The following PLXND1 variants were observed in gnomAD, a reference collection of about 807,000 sequenced individuals.
The protein encoded by PLXND1 is plexin D1.
In PLXND1, 54 loss-of-function variants were observed where a neutral mutation model predicts 197.7. The ratio of observed to expected loss-of-function variants is 0.27; its 90% CI spans 0.22 to 0.34. The LOEUF (loss-of-function observed/expected upper bound fraction) is 0.34. Among genes scored for constraint, PLXND1 ranks in the 10% least tolerant of loss-of-function variants. The pLI, the probability that PLXND1 is intolerant of heterozygous loss-of-function variation, is 1.00. For synonymous variants in PLXND1, 1,180 were observed against 1,161.2 expected (o/e 1.02, Z -0.33); for missense variants, 2,127 against 2,699.2 (o/e 0.79, Z 4.70).
At chr3:129,566,333 G>A (rs1450931571) in intron 23 of PLXND1, among the ~76,000 whole-genome samples, 194 bp downstream of exon 23, 1 of 151,588 alleles carries the variant, frequency 6.6e-6, no homozygotes, top group Non-Finnish European at 1.5e-5. Context: ...CTGGCCTGCG[G>A]GGGCAGCACT....
Position 129,558,294 on chromosome 3 carries a change from A to T in PLXND1, c.5445+134T>A. The T allele has an allele frequency of 1.2e-6, 1 of 808,710 alleles. No individual in the cohort carries two copies. The highest frequency in any genetic ancestry group is 2.0e-6 in the Non-Finnish European group (1 of 505,004). The allele number at this position is 808,710 out of a possible 1,614,324, so 50.1% of individuals were successfully genotyped here. Reference sequence around the variant, plus strand: ...ATGAGTCACTCATCCCACATCCCCTAGACCTGAGATCTTTTGGTTCCCCTC... The same window carrying T: ...ATGAGTCACTCATCCCACATCCCCTTGACCTGAGATCTTTTGGTTCCCCTC... On this transcript the variant is annotated intron_variant, in intron 33 of 35. Coordinates refer to ENST00000324093, the MANE Select transcript of PLXND1 (RefSeq NM_015103.3). This position sits in a 1 kb window ranked among gnomAD's most constrained non-coding sequence, Gnocchi z 4.1.
At chr3:129,564,504 A>G (rs991257403) in intron 25 of PLXND1, among the ~76,000 whole-genome samples, 48 of 152,222 alleles carry the variant, frequency 3.2e-4, no homozygotes, top group African/African-American at 1.2e-3. Context: ...AACAAAAAAC[A>G]GAACATCCGA....
At chr3:129,566,468 C>A (rs1227295839) in intron 23 of PLXND1, 59 bp downstream of exon 23, 1 of 1,020,874 alleles carries the variant, frequency 9.8e-7, no homozygotes, top group Non-Finnish European at 1.6e-6. Context: ...AAAGGGGACC[C>A]AGGGGGGAGC....
chr3:129,597,212 T>G (rs537964428), intron 1 of PLXND1, among the ~76,000 whole-genome samples: 53 of 152,136 alleles, frequency 3.5e-4, no homozygotes, highest in Non-Finnish European at 6.3e-4. Context: ...AGCGCAGGCC[T>G]GCGGGCTCCA....
chr3:129,578,332 G>C lies in PLXND1; in HGVS notation c.2343C>G (p.Phe781Leu), dbSNP rs764472065. ...CGCTGGCCTGGCTTCTACTTACCTGGAAAAAGGCAGTGTTGGCCAGAGGCA... is the reference window on the plus strand; with the variant it reads ...CGCTGGCCTGGCTTCTACTTACCTGCAAAAAGGCAGTGTTGGCCAGAGGCA... ...ILVPLANTAF[F>L]QGAALECSFG... is the part of the protein sequence containing the mutation. Residue 781 changes from phenylalanine (F) to leucine (L), a missense_variant, in exon 9 of 36, where the codon TTC (phenylalanine) becomes TTG (leucine). Phe to Leu is a conservative substitution (Grantham distance 22). Transcript: ENST00000324093. 4.4e-5 allele frequency: 70 copies of C among 1,596,354 alleles called. No individual in the cohort carries two copies. Among genetic ancestry groups the C allele is most frequent in the Non-Finnish European group, 5.7e-5 (67 of 1,170,896 alleles).
rs971367484 is a variant in PLXND1 at position 129,563,393 on chromosome 3, C to T, written c.4522-153G>A. Among the ~76,000 whole-genome samples, 7 of 152,186 alleles carry T rather than the reference C, an allele frequency of 4.6e-5. No homozygotes were observed. The South Asian group carries it at 1.0e-3, about 23-fold the overall frequency. ...CACTCTCCTCTCCAGGGTGTCTCCA[C>T]GGACCCTAAGCTCGTGTTCATTAAA... On this transcript the variant is annotated intron_variant, in intron 25 of 35. Transcript: ENST00000324093.
chr3:129,565,202 G>C (rs1458563949), intron 25 of PLXND1, 138 bp downstream of exon 25: 2 of 707,634 alleles, frequency 2.8e-6, no homozygotes, highest in African/African-American at 3.5e-5. Flanking sequence ...TACGGGCCTG[G>C]CCTGTCTCAT....
chr3:129,586,233 TG>T lies in PLXND1; in HGVS notation c.1659del (p.Thr554ProfsTer50). 6.3e-7 allele frequency: 1 copy of T among 1,598,046 alleles called. No homozygotes were observed. ...GCCGCACCCACGCAGTCCCCACAGG[TG>T]GAGTGCACGTTGCAGGCGGCGACCT... is the stretch of plus-strand genomic sequence containing the variant. ...RVKVAACNVH[S>X]TCGDCVGAAD... On this transcript the variant is annotated frameshift_variant, in exon 4 of 36. Coordinates refer to ENST00000324093, the MANE Select transcript of PLXND1 (RefSeq NM_015103.3). LOFTEE classifies it high-confidence loss of function.
At chr3:129,560,870 CAG>C in intron 29 of PLXND1, 147 bp from the exon 30 acceptor site, 6 of 697,424 alleles carry the variant, frequency 8.6e-6, no homozygotes, top group Non-Finnish European at 1.6e-5. Flanking sequence ...GAGAGAGAAA[CAG>C]AAACGGAGAC....
At chr3:129,596,562 G>A (rs2085627216) in intron 1 of PLXND1, among the ~76,000 whole-genome samples, 2 of 152,176 alleles carry the variant, frequency 1.3e-5, no homozygotes, top group African/African-American at 4.8e-5. Context: ...CCCAGCAGGA[G>A]GGGCAGAGCA....
chr3:129,567,289 C>T (rs533786632), intron 22 of PLXND1, among the ~76,000 whole-genome samples: 10 of 152,320 alleles, frequency 6.6e-5, no homozygotes, highest in Admixed American at 2.0e-4. Flanking sequence ...TGTTAAACAT[C>T]AAGTGAGCAG....
At chr3:129,566,131 C>T (rs2085136783) in intron 23 of PLXND1, 114 bp from the exon 24 acceptor site, 1 of 1,077,924 alleles carries the variant, frequency 9.3e-7, no homozygotes, top group East Asian at 2.4e-5. Context: ...GAGCTCATTA[C>T]CTTCCACGGT....
chr3:129,579,553 C>T (rs1472320385), intron 8 of PLXND1, among the ~76,000 whole-genome samples: 1 of 152,170 alleles, frequency 6.6e-6, no homozygotes, highest in Non-Finnish European at 1.5e-5. Flanking sequence ...TTTGGTGGCC[C>T]CAGTGAGCCA....
chr3:129,570,712 T>C lies in PLXND1; in HGVS notation c.3750+74A>G, dbSNP rs901431079. On this transcript the variant is annotated intron_variant, in intron 19 of 35. Transcript: ENST00000324093. ...ACGCTCAGTGAATTCAGGTGCTGGGTGAGGGGCAGATGCTTGGCAGATGGG... is the reference window on the plus strand; with the variant it reads ...ACGCTCAGTGAATTCAGGTGCTGGGCGAGGGGCAGATGCTTGGCAGATGGG... The C allele has an allele frequency of 2.8e-6, 4 of 1,437,694 alleles. No individual in the cohort carries two copies. In the African/African-American group the frequency reaches 5.6e-5, roughly 20 times the overall value. The allele number at this position is 1,437,694 out of a possible 1,614,324, so 89.1% of individuals were successfully genotyped here.
At chr3:129,569,166 T>G (rs959785247) in intron 20 of PLXND1, 1 of 152,398 alleles carries the variant, frequency 6.6e-6, no homozygotes, top group African/African-American at 2.4e-5. Context: ...TTCCATTGTA[T>G]GAATAGATCA....
In PLXND1 at chr3:129,581,769, C is replaced by G. The variant is rs371691938; in HGVS notation, c.2241+1798G>C. ...GGACTAGTCCAACTCGGTTCTTTCCCAGGGCCCAGTACTGACTAAGGCATA... is the reference window on the plus strand; with the variant it reads ...GGACTAGTCCAACTCGGTTCTTTCCGAGGGCCCAGTACTGACTAAGGCATA... On this transcript the variant is annotated intron_variant, in intron 8 of 35. Coordinates refer to ENST00000324093, the MANE Select transcript of PLXND1 (RefSeq NM_015103.3). Among the ~76,000 whole-genome samples, 70 of 152,370 alleles carry G rather than the reference C, an allele frequency of 4.6e-4. No homozygotes were observed. In the Middle Eastern group the frequency reaches 0.01, roughly 22 times the overall value.
intron 2 of PLXND1, 31 bp downstream of exon 2, chr3:129,589,320 A>ACCCCCCACCCCCCC: frequency 5.8e-6 from 2 of 343,180 alleles, no homozygotes; most frequent in Non-Finnish European, 1.1e-5. Context: ...TCCCACCCCC[A>ACCCCCCACCCCCCC]CCCCCTCCCC....
intron 12 of PLXND1, 120 bp from the exon 13 acceptor site, chr3:129,573,865 G>T: frequency 8.9e-7 from 1 of 1,125,834 alleles, no homozygotes; most frequent in Non-Finnish European, 1.3e-6. Flanking sequence ...TTAGAGGAAG[G>T]TCTGGAGGCT....
chr3:129,567,358 G>A (rs1157882185), intron 22 of PLXND1, 134 bp downstream of exon 22: 2 of 636,464 alleles, frequency 3.1e-6, no homozygotes, highest in Admixed American at 4.9e-5. Flanking sequence ...CAGGGCAAGT[G>A]GCCAGGACGG....
Sources: gnomAD v4.1 joint callset for allele counts (sites outside exome capture counted in the v4.1 genomes callset) on GRCh38, gnomAD v4.1.1 for gene constraint, Gnocchi (gnomAD v3.1) non-coding constraint, MANE v1.5 for transcripts, NCBI Gene and HGNC (gene_info 2026-07-23, HGNC 2026-07-21) for gene names.